Variants in RPS6KA5 observed in about 807,000 individuals in gnomAD.
RPS6KA5 encodes ribosomal protein S6 kinase A5.
RPS6KA5 carries 27 observed loss-of-function variants against 85.5 expected under a neutral mutation model. That is an observed-to-expected ratio of 0.32 (90% confidence interval 0.23 to 0.44). The LOEUF is 0.44. Ranked by LOEUF, RPS6KA5 falls within the 20% of genes least tolerant of loss-of-function variation. The probability of loss-of-function intolerance (pLI) is 1.00; values close to 1 mark genes in which losing one functional copy is unlikely to be tolerated. For synonymous variants in RPS6KA5, 334 were observed against 348.2 expected (o/e 0.96, Z 0.46); for missense variants, 811 against 980.9 (o/e 0.83, Z 2.31).
At chr14:90,945,544 T>C (rs1305658461) in intron 4 of RPS6KA5, among the ~76,000 whole-genome samples, 2 of 152,218 alleles carry the variant, frequency 1.3e-5, no homozygotes, top group East Asian at 3.9e-4. Context: ...AAGATTAACA[T>C]TGCTGGCTTT....
At chr14:90,960,978 G>A (rs533574161) in intron 3 of RPS6KA5, among the ~76,000 whole-genome samples, 3 of 152,184 alleles carry the variant, frequency 2.0e-5, no homozygotes, top group East Asian at 3.8e-4. Flanking sequence ...GGCTACTGAC[G>A]TTTGTACGGA....
chr14:90,943,737 A>G (rs1281585103), intron 4 of RPS6KA5, among the ~76,000 whole-genome samples: 1 of 152,156 alleles, frequency 6.6e-6, no homozygotes, highest in Non-Finnish European at 1.5e-5. Flanking sequence ...TTTGTGCAGC[A>G]CACCATGTAT....
rs909140009 is a variant in RPS6KA5, at chr14:90,860,479, A to G, written c.*11595T>C. 6 of 152,284 alleles carry G rather than the reference A, an allele frequency of 3.9e-5. No homozygotes were observed. Among genetic ancestry groups the G allele is most frequent in the African/African-American group, 1.4e-4 (6 of 41,450 alleles). The allele number at this position is 152,284 out of a possible 1,614,324, so 9.4% of individuals were successfully genotyped here. A position where few individuals can be genotyped will look rare whatever the true frequency, so the allele number is the denominator to read the frequency against. On this transcript the variant is annotated 3_prime_UTR_variant, in exon 17 of 17. Transcript: ENST00000614987. ...AACCTAGGAGGTGGAGGTTGCAGTG[A>G]GCCAAGATTGTGCCACTGCACTCCA... is the stretch of plus-strand genomic sequence containing the variant.
chr14:90,931,508 T>G (rs1468900186), intron 5 of RPS6KA5, among the ~76,000 whole-genome samples: 1 of 152,164 alleles, frequency 6.6e-6, no homozygotes, highest in Non-Finnish European at 1.5e-5. Context: ...GATGGCAATT[T>G]TTGTTTTGTG....
chr14:90,909,431 T>C lies in RPS6KA5; in HGVS notation c.807-3132A>G, dbSNP rs902808972. ...AAAGCTCTGAGTTGATAAGCCATAT[T>C]AAACCCCTCACGTGTATGTTATTTA... On this transcript the variant is annotated intron_variant, in intron 7 of 16. Transcript: ENST00000614987. 3.3e-5 allele frequency among the ~76,000 whole-genome samples: 5 copies of C among 152,242 alleles called. No individual in the cohort carries two copies. The East Asian group carries it at 7.7e-4, about 23-fold the overall frequency.
In RPS6KA5 at chr14:90,941,265, C is replaced by T. The variant is rs1028141404; in HGVS notation, c.618+1813G>A. Among the ~76,000 whole-genome samples the T allele has an allele frequency of 8.5e-5, 13 of 152,114 alleles. No individual in the cohort carries two copies. The East Asian group carries it at 1.7e-3, about 20-fold the overall frequency. ...CATTACAAACATGCTTCTGTGGCACCGGGTGGGATTGCCAAGCCCCAGGCT... is the reference window on the plus strand; with the variant it reads ...CATTACAAACATGCTTCTGTGGCACTGGGTGGGATTGCCAAGCCCCAGGCT... On this transcript the variant is annotated intron_variant, in intron 5 of 16. Coordinates refer to ENST00000614987, the MANE Select transcript of RPS6KA5 (RefSeq NM_004755.4).
chr14:91,056,889 T>A (rs1255545652), intron 1 of RPS6KA5, among the ~76,000 whole-genome samples: 4 of 134,148 alleles, frequency 3.0e-5, no homozygotes, highest in Admixed American at 1.5e-4. Flanking sequence ...TTTTTTTTTT[T>A]TTTTTTTGGA....
At chr14:90,981,148 G>A (rs1375455765) in intron 2 of RPS6KA5, among the ~76,000 whole-genome samples, 1 of 152,220 alleles carries the variant, frequency 6.6e-6, no homozygotes, top group African/African-American at 2.4e-5. Flanking sequence ...TGCAGCCTGG[G>A]CAACAAGAGT....
intron 3 of RPS6KA5, among the ~76,000 whole-genome samples, chr14:90,972,571 C>T (rs2033838342): frequency 6.6e-6 from 1 of 152,126 alleles, no homozygotes; most frequent in African/African-American, 2.4e-5. Flanking sequence ...TAAGTTGGAT[C>T]CTTATTTCAT....
intron 12 of RPS6KA5, among the ~76,000 whole-genome samples, chr14:90,898,435 C>T (rs1049388921): frequency 6.6e-6 from 1 of 152,202 alleles, no homozygotes; most frequent in African/African-American, 2.4e-5. Flanking sequence ...TGGTAGAGAA[C>T]TGGGCCCCAT....
At chr14:91,024,792 T>A (rs959533032) in intron 1 of RPS6KA5, among the ~76,000 whole-genome samples, 2 of 152,210 alleles carry the variant, frequency 1.3e-5, no homozygotes, top group African/African-American at 4.8e-5. Context: ...TGGCACATAT[T>A]GCTGACATTT....
intron 3 of RPS6KA5, among the ~76,000 whole-genome samples, chr14:90,974,639 G>GA (rs1269227592): frequency 6.6e-6 from 1 of 152,164 alleles, no homozygotes; most frequent in Non-Finnish European, 1.5e-5. Flanking sequence ...TGAAAAAGCT[G>GA]ATCTACTGTA....
intron 3 of RPS6KA5, among the ~76,000 whole-genome samples, chr14:90,953,271 T>C (rs1472308835): frequency 6.6e-6 from 1 of 152,210 alleles, no homozygotes; most frequent in East Asian, 1.9e-4. Context: ...ATTGTGAAGA[T>C]TTCATGGACA....
chr14:91,060,145 TC>T lies in RPS6KA5; in HGVS notation c.103+186del, dbSNP rs2043584821. The T allele has an allele frequency of 6.1e-6, 6 of 983,152 alleles. No homozygotes were observed. The South Asian group carries it at 1.9e-4, about 31-fold the overall frequency. The allele number at this position is 983,152 out of a possible 1,614,324, so 60.9% of individuals were successfully genotyped here. A position where few individuals can be genotyped will look rare whatever the true frequency, so the allele number is the denominator to read the frequency against. On this transcript the variant is annotated intron_variant, in intron 1 of 16. Transcript: ENST00000614987. ...GGGCTGGGGAAAACTTTCGGCCGCC[TC>T]CCCCAAGGCGCGCCCCCACCTCCCG...
At chr14:90,892,162 C>T (rs886628244) in intron 13 of RPS6KA5, among the ~76,000 whole-genome samples, 4 of 152,016 alleles carry the variant, frequency 2.6e-5, no homozygotes, top group Non-Finnish European at 4.4e-5. Context: ...CCATGCCTGG[C>T]TAACTTTTTT....
At chr14:91,040,939 A>G (rs560435109) in intron 1 of RPS6KA5, among the ~76,000 whole-genome samples, 1 of 152,340 alleles carries the variant, frequency 6.6e-6, no homozygotes, top group East Asian at 1.9e-4. Flanking sequence ...TGGAAGCTTG[A>G]TCTTCCAGCA....
At position 90,850,429 on chromosome 14, in the gene RPS6KA5, G is replaced by A. The variant is rs1247866574; in HGVS notation, c.*21645C>T. 1 of 92,502 alleles carries A rather than the reference G, an allele frequency of 1.1e-5. No homozygotes were observed. The highest frequency in any genetic ancestry group is 2.3e-5 in the Non-Finnish European group (1 of 44,060). The allele number at this position is 92,502 out of a possible 1,614,324, so 5.7% of individuals were successfully genotyped here. A position where few individuals can be genotyped will look rare whatever the true frequency, so the allele number is the denominator to read the frequency against. On this transcript the variant is annotated 3_prime_UTR_variant, in exon 17 of 17. Coordinates refer to ENST00000614987, the MANE Select transcript of RPS6KA5 (RefSeq NM_004755.4). ...AGTATTTTTAATCTATTAAGAAAATGAAGAAAACAACCTAATCAATGTGGG... is the reference window on the plus strand; with the variant it reads ...AGTATTTTTAATCTATTAAGAAAATAAAGAAAACAACCTAATCAATGTGGG...
Position 91,059,571 on chromosome 14 carries a change from G to A in RPS6KA5, c.103+761C>T, listed in dbSNP as rs995604794. Among the ~76,000 whole-genome samples the A allele has an allele frequency of 5.3e-5, 8 of 152,210 alleles. No individual in the cohort carries two copies. In the East Asian group the frequency reaches 7.7e-4, roughly 15 times the overall value. On this transcript the variant is annotated intron_variant, in intron 1 of 16. Coordinates refer to ENST00000614987, the MANE Select transcript of RPS6KA5 (RefSeq NM_004755.4). ...AATGAACAACCTGAACCTACACCAC[G>A]AATACATTTAATTAGTTATAAAGCT...
At chr14:90,951,219 C>A (rs1418202744) in intron 3 of RPS6KA5, among the ~76,000 whole-genome samples, 2 of 151,744 alleles carry the variant, frequency 1.3e-5, no homozygotes, top group Admixed American at 6.6e-5. Context: ...CGCGGTGGCT[C>A]ACACCTGTAA....
Sources: gnomAD v4.1 joint callset for allele counts (sites outside exome capture counted in the v4.1 genomes callset) on GRCh38, gnomAD v4.1.1 for gene constraint, MANE v1.5 for transcripts, NCBI Gene and HGNC (gene_info 2026-07-23, HGNC 2026-07-21) for gene names.